The following ZZEF1 variants were observed in gnomAD, a reference collection of about 807,000 sequenced individuals.
The protein encoded by ZZEF1 is zinc finger ZZ-type and EF-hand domain containing 1, also known as zinc finger ZZ-type and EF-hand domain-containing protein 1.
A neutral mutation model predicts 342.8 loss-of-function variants in ZZEF1; 157 were observed. That is an observed-to-expected ratio of 0.46 (90% CI 0.40 to 0.52). The LOEUF (loss-of-function observed/expected upper bound fraction) is 0.52, where lower values mean the gene tolerates loss of function less well. ZZEF1 is among the 20% of genes least tolerant of loss of function. The pLI is 0.00. For synonymous variants in ZZEF1, 1,505 were observed against 1,429.1 expected (o/e 1.05, Z -1.20); for missense variants, 3,480 against 3,725.6 (o/e 0.93, Z 1.72).
At chr17:4,007,319 G>A (rs1105936) in intron 54 of ZZEF1, among the ~76,000 whole-genome samples, 41,157 of 152,186 alleles carry the variant, frequency 0.27, 6,944 homozygotes, top group African/African-American at 0.48. Context: ...CAGTGCTGGG[G>A]ACCAGAGGGA....
chr17:4,141,317 A>G (rs148025637), intron 1 of ZZEF1, among the ~76,000 whole-genome samples: 163 of 152,352 alleles, frequency 1.1e-3, no homozygotes, highest in Non-Finnish European at 1.8e-3. Context: ...CATTCTTAAA[A>G]TATTTTAAAA....
At chr17:4,082,811 T>C (rs2057748988) in intron 16 of ZZEF1, among the ~76,000 whole-genome samples, 1 of 152,188 alleles carries the variant, frequency 6.6e-6, no homozygotes, top group African/African-American at 2.4e-5. Flanking sequence ...ATTTCGCTCT[T>C]GTTGCCTGGG....
At chr17:4,106,992 T>G (rs1280837847) in intron 6 of ZZEF1, among the ~76,000 whole-genome samples, 1 of 152,232 alleles carries the variant, frequency 6.6e-6, no homozygotes, top group Non-Finnish European at 1.5e-5. Context: ...ATGAGCCATT[T>G]TGGGGTTGCA....
At chr17:4,069,110 C>G (rs77637711) in intron 26 of ZZEF1, among the ~76,000 whole-genome samples, 9 of 152,322 alleles carry the variant, frequency 5.9e-5, no homozygotes, top group Non-Finnish European at 1.0e-4. Flanking sequence ...TGTGTGTTTT[C>G]TCTTCTGCAA....
At chr17:4,128,497 T>C (rs1483960466) in intron 1 of ZZEF1, among the ~76,000 whole-genome samples, 1 of 150,576 alleles carries the variant, frequency 6.6e-6, no homozygotes, top group Non-Finnish European at 1.5e-5. Context: ...TTTAGTTCTG[T>C]CACCCCAGCT....
chr17:4,095,840 A>G lies in ZZEF1; in HGVS notation c.1904T>C (p.Val635Ala). ...TTTTTTACCTTCTTACCTGCTTTTT[A>G]CAAATTGCCTGAGCTCCTGAAGCTT... ...KWKLQELRQF[V>A]KSRIGCSSDD... The change falls in exon 11 of 55, where the codon GTA becomes GCA. Residue 635 changes from valine (V) to alanine (A), a missense_variant. Physicochemically the swap from Val to Ala is moderately conservative, Grantham distance 64. This residue lies in a region of ZZEF1 where 1,528 missense variants were observed against 1,624.1 expected (regional missense o/e 0.94). Transcript: ENST00000381638. 1 of 1,606,666 alleles carries G rather than the reference A, an allele frequency of 6.2e-7. No homozygotes were observed. The highest frequency in any genetic ancestry group is 8.5e-7 in the Non-Finnish European group (1 of 1,176,944).
At chr17:4,075,997 A>C (rs1458036385) in intron 21 of ZZEF1, 1 of 152,366 alleles carries the variant, frequency 6.6e-6, no homozygotes, top group Admixed American at 6.5e-5. Context: ...TTTCTTCTAA[A>C]GACAAAATGT....
Position 4,008,356 on chromosome 17 carries a change from G to GGT in ZZEF1, c.8805+525_8805+526dup, listed in dbSNP as rs2144910226. ...GTGTTATTCATGTTAACATGAAATGGGTTCACTACTTTAAAAAAATAAATT... is the reference window on the plus strand; with the variant it reads ...GTGTTATTCATGTTAACATGAAATGGGTGTTCACTACTTTAAAAAAATAAATT... On this transcript the variant is annotated intron_variant, in intron 54 of 54. Transcript: ENST00000381638. The surrounding 1 kb of genome is among the most constrained non-coding windows in gnomAD (Gnocchi z 4.2). 4.8e-6 allele frequency: 1 copy of GGT among 208,590 alleles called. No homozygotes were observed. The highest frequency in any genetic ancestry group is 8.4e-6 in the Non-Finnish European group (1 of 119,704). The allele number at this position is 208,590 out of a possible 1,614,324, so 12.9% of individuals were successfully genotyped here. A position where few individuals can be genotyped will look rare whatever the true frequency, so the allele number is the denominator to read the frequency against.
chr17:4,044,404 G>C (rs201100614), intron 37 of ZZEF1, 30 bp from the exon 38 acceptor site: 2 of 1,583,100 alleles, frequency 1.3e-6, no homozygotes, highest in East Asian at 4.5e-5. Flanking sequence ...AAAGAATTAA[G>C]GTTTCTTATA....
intron 34 of ZZEF1, 68 bp from the exon 35 acceptor site, chr17:4,052,204 C>G: frequency 6.9e-7 from 1 of 1,457,884 alleles, no homozygotes; most frequent in South Asian, 1.3e-5. Context: ...TTTCCAAACC[C>G]AAACCAACCC....
intron 1 of ZZEF1, among the ~76,000 whole-genome samples, chr17:4,130,748 T>A (rs1349201236): frequency 6.6e-6 from 1 of 152,152 alleles, no homozygotes; most frequent in Non-Finnish European, 1.5e-5. Context: ...GAAATCACTA[T>A]CATTACGATT....
At chr17:4,011,570 T>A (rs1016681481) in intron 52 of ZZEF1, among the ~76,000 whole-genome samples, 4 of 151,946 alleles carry the variant, frequency 2.6e-5, no homozygotes, top group Non-Finnish European at 5.9e-5. Context: ...TGTGTGTGTT[T>A]TTACTCAGAG....
At chr17:4,117,877 A>G (rs1455986839) in intron 2 of ZZEF1, among the ~76,000 whole-genome samples, 1 of 152,194 alleles carries the variant, frequency 6.6e-6, no homozygotes, top group Non-Finnish European at 1.5e-5. Context: ...TAAGACAATG[A>G]TAATGACAAT....
At chr17:4,126,720 CA>C (rs1231156535) in intron 1 of ZZEF1, among the ~76,000 whole-genome samples, 2 of 152,094 alleles carry the variant, frequency 1.3e-5, no homozygotes, top group Admixed American at 6.6e-5. Context: ...CTTGGGAGGC[CA>C]AAGTGCCTCC....
chr17:4,044,516 T>C, intron 37 of ZZEF1, 142 bp from the exon 38 acceptor site: 2 of 746,618 alleles, frequency 2.7e-6, no homozygotes, highest in Non-Finnish European at 4.2e-6. Flanking sequence ...TCATTTCTTT[T>C]TTCTTTTTTG....
At chr17:4,050,163 C>A (rs1290448173) in intron 36 of ZZEF1, among the ~76,000 whole-genome samples, 1 of 152,130 alleles carries the variant, frequency 6.6e-6, no homozygotes, top group African/African-American at 2.4e-5. Context: ...TATACTAGCC[C>A]CACACAATCA....
At chr17:4,125,727 G>A (rs1021373896) in intron 1 of ZZEF1, among the ~76,000 whole-genome samples, 2 of 152,176 alleles carry the variant, frequency 1.3e-5, no homozygotes, top group African/African-American at 4.8e-5. Flanking sequence ...GAGATCAGAG[G>A]ACAGAAACCA....
rs926532885 is a variant in ZZEF1, at chr17:4,014,918, G to T, written c.8146-403C>A. On this transcript the variant is annotated intron_variant, in intron 49 of 54. Transcript: ENST00000381638. This position sits in a 1 kb window ranked among gnomAD's most constrained non-coding sequence, Gnocchi z 4.4. ...GAGCTTGGCGTGTTTGGAGTAAAGG[G>T]TGTGCTACATGGGCACGTATGCTTG... Among the ~76,000 whole-genome samples the T allele has an allele frequency of 6.6e-6, 1 of 152,144 alleles. No homozygotes were observed. The highest frequency in any genetic ancestry group is 2.4e-5 in the African/African-American group (1 of 41,414).
At chr17:4,043,597 C>T (rs1363054559) in intron 38 of ZZEF1, among the ~76,000 whole-genome samples, 1 of 152,234 alleles carries the variant, frequency 6.6e-6, no homozygotes, top group East Asian at 1.9e-4. Flanking sequence ...CTTGCTGCTG[C>T]TATCCTCTGG....
Sources: gnomAD v4.1 joint callset for allele counts (sites outside exome capture counted in the v4.1 genomes callset) on GRCh38, gnomAD v4.1.1 for gene constraint, gnomAD v4.1.1 regional missense constraint, Gnocchi (gnomAD v3.1) non-coding constraint, MANE v1.5 for transcripts, NCBI Gene and HGNC (gene_info 2026-07-23, HGNC 2026-07-21) for gene names.